Variants in PIGR observed in about 807,000 individuals in gnomAD.
PIGR encodes polymeric immunoglobulin receptor, also known as hepatocellular carcinoma associated protein TB6.
In PIGR, 22 loss-of-function variants were observed where a neutral mutation model predicts 69.5. The ratio of observed to expected loss-of-function variants is 0.32; its 90% CI spans 0.23 to 0.45. The LOEUF (loss-of-function observed/expected upper bound fraction) is 0.45. PIGR is among the 20% of genes least tolerant of loss of function. The pLI, the probability that PIGR is intolerant of heterozygous loss-of-function variation, is 1.00. For missense variants in PIGR, 885 were observed against 974.0 expected, an observed-to-expected ratio of 0.91 and a Z score of 1.22; for synonymous variants, 413 against 407.6, an observed-to-expected ratio of 1.01 and a Z score of -0.16.
At chr1:206,942,757 T>C (rs1680013256) in intron 1 of PIGR, among the ~76,000 whole-genome samples, 1 of 152,120 alleles carries the variant, frequency 6.6e-6, no homozygotes, top group Non-Finnish European at 1.5e-5. Context: ...CTGTGCATGT[T>C]TGTGTAGAGA....
At position 206,937,158 on chromosome 1, in the gene PIGR, G is replaced by T. The variant is rs1156620141; in HGVS notation, c.982C>A (p.His328Asn). Reference sequence around the variant, plus strand: ...CCTTCCTGCAGCTGACCATCCGAATGGGCTCCACACAGGTAGCGCCCTGCA... The same window carrying T: ...CCTTCCTGCAGCTGACCATCCGAATTGGCTCCACACAGGTAGCGCCCTGCA... Reference protein sequence around the residue: ...EDAGRYLCGAHSDGQLQEGSP... With the variant: ...EDAGRYLCGANSDGQLQEGSP... The change falls in exon 4 of 11, where the codon CAT becomes AAT. Residue 328 changes from histidine (H) to asparagine (N), a missense_variant. His to Asn is a moderately conservative substitution (Grantham distance 68). Coordinates refer to ENST00000356495, the MANE Select transcript of PIGR (RefSeq NM_002644.4). The T allele has an allele frequency of 6.2e-7, 1 of 1,613,580 alleles. No individual in the cohort carries two copies.
At chr1:206,938,167 G>T (rs1029686666) in intron 3 of PIGR, among the ~76,000 whole-genome samples, 21 of 152,364 alleles carry the variant, frequency 1.4e-4, no homozygotes, top group Admixed American at 1.2e-3. Flanking sequence ...TAAATGCAGG[G>T]TGATGGATTT....
At chr1:206,940,888 C>T (rs752543006) in intron 1 of PIGR, among the ~76,000 whole-genome samples, 9 of 152,174 alleles carry the variant, frequency 5.9e-5, no homozygotes, top group Non-Finnish European at 1.2e-4. Context: ...CCAGGCACAC[C>T]GTAAGATCTC....
intron 1 of PIGR, among the ~76,000 whole-genome samples, chr1:206,943,505 C>A (rs1680038230): frequency 6.6e-6 from 1 of 152,204 alleles, no homozygotes; most frequent in Admixed American, 6.5e-5. Context: ...AGTATCCCAA[C>A]ATATGTGTAA....
At chr1:206,937,809 A>C in intron 3 of PIGR, 58 bp from the exon 4 acceptor site, 1 of 1,478,316 alleles carries the variant, frequency 6.8e-7, no homozygotes, top group South Asian at 1.2e-5. Flanking sequence ...ACTTTCTTGC[A>C]ACATAGGACT....
chr1:206,938,435 C>A (rs911803749), intron 3 of PIGR, among the ~76,000 whole-genome samples: 4 of 152,224 alleles, frequency 2.6e-5, no homozygotes, highest in African/African-American at 7.2e-5. Flanking sequence ...TCCAAAGGAG[C>A]AAGACATGTC....
At chr1:206,945,820 A>G (rs1680096371) in intron 1 of PIGR, among the ~76,000 whole-genome samples, 1 of 152,258 alleles carries the variant, frequency 6.6e-6, no homozygotes, top group Admixed American at 6.5e-5. Flanking sequence ...ATCCTTGATT[A>G]ATTAAACTAA....
chr1:206,930,989 G>A lies in PIGR; in HGVS notation c.2199+508C>T, dbSNP rs912143210. ...AGGGCAGATTGAGGGGATGGTATAT[G>A]GCACCCAAGGCAGGAGTTGCCTCTG... On this transcript the variant is annotated intron_variant, in intron 10 of 10. Transcript: ENST00000356495. This position sits in a 1 kb window ranked among gnomAD's most constrained non-coding sequence, Gnocchi z 4.3. 1 of 985,414 alleles carries A rather than the reference G, an allele frequency of 1.0e-6. No individual in the cohort carries two copies. The highest frequency in any genetic ancestry group is 1.2e-6 in the Non-Finnish European group (1 of 829,910). The allele number at this position is 985,414 out of a possible 1,614,324, so 61.0% of individuals were successfully genotyped here.
intron 6 of PIGR, among the ~76,000 whole-genome samples, chr1:206,934,044 T>A (rs1048772798): frequency 6.6e-6 from 1 of 152,158 alleles, no homozygotes; most frequent in African/African-American, 2.4e-5. Context: ...GTATTTTTAG[T>A]AGAGACGAGT....
intron 1 of PIGR, among the ~76,000 whole-genome samples, chr1:206,945,206 T>G (rs2102605818): frequency 6.6e-6 from 1 of 152,338 alleles, no homozygotes; most frequent in African/African-American, 2.4e-5. Flanking sequence ...ACCAGACAGC[T>G]GCCTTCTACC....
At chr1:206,931,164 A>G in intron 10 of PIGR, 1 of 985,410 alleles carries the variant, frequency 1.0e-6, no homozygotes, top group Non-Finnish European at 1.2e-6. Context: ...CCAACCCAGG[A>G]AGAGCATCCA....
At chr1:206,939,063 C>T in intron 3 of PIGR, 56 bp downstream of exon 3, 1 of 1,459,174 alleles carries the variant, frequency 6.9e-7, no homozygotes, top group Admixed American at 1.8e-5. Context: ...CCTCCATGCA[C>T]CTTAGAGAAT....
chr1:206,942,513 GA>G (rs1029030923), intron 1 of PIGR, among the ~76,000 whole-genome samples: 1 of 152,218 alleles, frequency 6.6e-6, no homozygotes, highest in Admixed American at 6.5e-5. Flanking sequence ...CTGCTTTTAA[GA>G]ACCCACACCA....
At chr1:206,938,690 A>G (rs1208979825) in intron 3 of PIGR, among the ~76,000 whole-genome samples, 1 of 152,182 alleles carries the variant, frequency 6.6e-6, no homozygotes, top group Non-Finnish European at 1.5e-5. Flanking sequence ...AAAAAAAAAT[A>G]TGCATTTTAC....
In PIGR at chr1:206,937,763, G is replaced by C. The variant is rs778038595; in HGVS notation, c.389-12C>G. Reference sequence around the variant, plus strand: ...TAGGAGCCCAGGACCTGCAGGATGAGGGGTGCAAGGTAGGGGGCAGGCAAG... The same window carrying C: ...TAGGAGCCCAGGACCTGCAGGATGACGGGTGCAAGGTAGGGGGCAGGCAAG... On this transcript the variant is annotated splice_polypyrimidine_tract_variant and intron_variant, in intron 3 of 10. Transcript: ENST00000356495. 2.5e-6 allele frequency: 4 copies of C among 1,612,624 alleles called. No homozygotes were observed. In the African/African-American group the frequency reaches 5.3e-5, roughly 22 times the overall value.
intron 3 of PIGR, 43 bp from the exon 4 acceptor site, chr1:206,937,794 A>G (rs761417040): frequency 1.3e-6 from 2 of 1,572,294 alleles, no homozygotes; most frequent in South Asian, 1.1e-5. Context: ...GCAAGTTACG[A>G]TTCTACTTTC....
rs1042268 is a variant in PIGR, at chr1:206,937,174, G to A, written c.966C>T (p.Arg322=). Residue 322 remains arginine, a synonymous_variant, in exon 4 of 11, where the codon CGC becomes CGT. Transcript: ENST00000356495. ...CATCCGAATGGGCTCCACACAGGTAGCGCCCTGCATCCTCCTTCCTCAGGC... is the reference window on the plus strand; with the variant it reads ...CATCCGAATGGGCTCCACACAGGTAACGCCCTGCATCCTCCTTCCTCAGGC... ...ITGLRKEDAG[R]YLCGAHSDGQ... 2 of 1,614,148 alleles carry A rather than the reference G, an allele frequency of 1.2e-6. No individual in the cohort carries two copies. The highest frequency in any genetic ancestry group is 8.5e-7 in the Non-Finnish European group (1 of 1,179,998).
chr1:206,939,031 G>C, intron 3 of PIGR, 88 bp downstream of exon 3: 6 of 1,176,868 alleles, frequency 5.1e-6, no homozygotes, highest in Non-Finnish European at 7.3e-6. Context: ...ACACATCCTT[G>C]TCAGGAAGTT....
chr1:206,935,637 G>GTA lies in PIGR; in HGVS notation c.1225_1226dup (p.Glu410ThrfsTer34). ...CCTCCAGCAGGGAGAGGCGGCCCTC[G>GTA]TACTGGGCCTTAACCCACCCCTCGC... On this transcript the variant is annotated frameshift_variant, in exon 5 of 11. Transcript: ENST00000356495. LOFTEE classifies it high-confidence loss of function. This position sits in a 1 kb window ranked among gnomAD's most constrained non-coding sequence, Gnocchi z 4.4. 6.2e-7 allele frequency: 1 copy of GTA among 1,614,040 alleles called. No individual in the cohort carries two copies. The highest frequency in any genetic ancestry group is 8.5e-7 in the Non-Finnish European group (1 of 1,179,970).
Sources: gnomAD v4.1 joint callset for allele counts (sites outside exome capture counted in the v4.1 genomes callset) on GRCh38, gnomAD v4.1.1 for gene constraint, Gnocchi (gnomAD v3.1) non-coding constraint, MANE v1.5 for transcripts, NCBI Gene and HGNC (gene_info 2026-07-23, HGNC 2026-07-21) for gene names.